LCLAT1: variants seen among roughly 807,000 people sequenced by gnomAD.
LCLAT1 encodes the protein 1-AGP acyltransferase 8.
In LCLAT1, 11 loss-of-function variants were observed where a neutral mutation model predicts 30.7. The ratio of observed to expected loss-of-function variants is 0.36; its 90% confidence interval spans 0.23 to 0.59. The LOEUF is 0.59. Among genes scored for constraint, LCLAT1 ranks in the 20% least tolerant of loss-of-function variants. The pLI is 0.77. For synonymous variants in LCLAT1, 155 were observed against 151.3 expected, an observed-to-expected ratio of 1.02 and a Z score of -0.18; for missense variants, 402 against 458.6, an observed-to-expected ratio of 0.88 and a Z score of 1.13.
At chr2:30,633,066 C>T (rs1018665141) in intron 5 of LCLAT1, among the ~76,000 whole-genome samples, 6 of 152,164 alleles carry the variant, frequency 3.9e-5, no homozygotes, top group Non-Finnish European at 7.4e-5. Context: ...GACTGTTCTT[C>T]AAAATGTACT....
At chr2:30,545,190 A>G (rs548836561) in intron 3 of LCLAT1, among the ~76,000 whole-genome samples, 1 of 152,302 alleles carries the variant, frequency 6.6e-6, no homozygotes, top group South Asian at 2.1e-4. Flanking sequence ...TGCCAGTGAG[A>G]GTTAAAAAGG....
chr2:30,489,542 C>T (rs1301406425), intron 1 of LCLAT1, among the ~76,000 whole-genome samples: 1 of 152,124 alleles, frequency 6.6e-6, no homozygotes, highest in Non-Finnish European at 1.5e-5. Context: ...TTAGTAGAGA[C>T]AGCGTTTCAC....
chr2:30,542,209 T>G (rs994915647), intron 3 of LCLAT1, among the ~76,000 whole-genome samples: 1 of 152,160 alleles, frequency 6.6e-6, no homozygotes, highest in Non-Finnish European at 1.5e-5. Flanking sequence ...AAGAGCAAAC[T>G]TTATCTTCAT....
intron 5 of LCLAT1, among the ~76,000 whole-genome samples, chr2:30,623,712 C>T (rs1572710801): frequency 6.6e-6 from 1 of 152,170 alleles, no homozygotes; most frequent in African/African-American, 2.4e-5. Context: ...AGGAAAACTT[C>T]CCTGGCCTTG....
intron 1 of LCLAT1, among the ~76,000 whole-genome samples, chr2:30,517,563 G>A (rs1339500280): frequency 1.3e-5 from 2 of 152,200 alleles, no homozygotes; most frequent in African/African-American, 4.8e-5. Context: ...CTGGAACTGG[G>A]TCTACAACAA....
chr2:30,519,486 T>C (rs1173728148), intron 1 of LCLAT1, among the ~76,000 whole-genome samples: 1 of 152,100 alleles, frequency 6.6e-6, no homozygotes, highest in Non-Finnish European at 1.5e-5. Flanking sequence ...TGGGTTTTCC[T>C]GTTGAGAGGG....
At chr2:30,524,011 T>A (rs1685595381) in intron 1 of LCLAT1, among the ~76,000 whole-genome samples, 2 of 152,226 alleles carry the variant, frequency 1.3e-5, no homozygotes, top group Admixed American at 1.3e-4. Context: ...TTGTGATTCT[T>A]TTAAAATATT....
intron 3 of LCLAT1, among the ~76,000 whole-genome samples, chr2:30,541,659 A>T (rs1423869312): frequency 1.3e-5 from 2 of 152,150 alleles, no homozygotes; most frequent in Non-Finnish European, 2.9e-5. Flanking sequence ...ATTACTTTTA[A>T]TGTATTACTT....
intron 5 of LCLAT1, among the ~76,000 whole-genome samples, chr2:30,634,724 T>G (rs1043343902): frequency 5.3e-5 from 8 of 152,248 alleles, no homozygotes; most frequent in Non-Finnish European, 1.2e-4. Context: ...GCCAAAAGAT[T>G]TAAAGGCAGT....
chr2:30,447,818 C>T (rs565776583), intron 1 of LCLAT1, among the ~76,000 whole-genome samples: 7 of 152,338 alleles, frequency 4.6e-5, no homozygotes, highest in Admixed American at 4.6e-4. Context: ...TAAAACGTCT[C>T]AAGTGGTCAC....
intron 1 of LCLAT1, among the ~76,000 whole-genome samples, chr2:30,478,070 TAAAAAAAAAA>T (rs79364091): frequency 1.7e-5 from 2 of 114,972 alleles, no homozygotes; most frequent in East Asian, 4.8e-4. Context: ...AGTGAGGGAT[TAAAAAAAAAA>T]AAAAAAAAAG....
intron 3 of LCLAT1, among the ~76,000 whole-genome samples, chr2:30,549,260 T>A (rs1664568857): frequency 6.6e-6 from 1 of 152,176 alleles, no homozygotes; most frequent in Admixed American, 6.5e-5. Flanking sequence ...TTACCTAAAT[T>A]GGATATCCTG....
chr2:30,610,321 CTG>C (rs1235103173), intron 5 of LCLAT1, among the ~76,000 whole-genome samples: 1 of 152,078 alleles, frequency 6.6e-6, no homozygotes, highest in Non-Finnish European at 1.5e-5. Flanking sequence ...CTCATGGTCT[CTG>C]TCTAATCCTG....
chr2:30,622,570 T>G (rs769651188), intron 5 of LCLAT1, among the ~76,000 whole-genome samples: 1 of 151,900 alleles, frequency 6.6e-6, no homozygotes, highest in Non-Finnish European at 1.5e-5. Context: ...CCCCAATACC[T>G]CCACCAGAGC....
intron 5 of LCLAT1, among the ~76,000 whole-genome samples, chr2:30,588,478 T>C (rs1277516459): frequency 1.3e-5 from 2 of 152,210 alleles, no homozygotes; most frequent in Admixed American, 6.5e-5. Flanking sequence ...ACTGCAGATA[T>C]TGTTAGAGCA....
chr2:30,502,502 A>G (rs1684448602), intron 1 of LCLAT1, among the ~76,000 whole-genome samples: 1 of 152,046 alleles, frequency 6.6e-6, no homozygotes, highest in African/African-American at 2.4e-5. Flanking sequence ...GCTTTGTACT[A>G]ATTAGTAGTC....
chr2:30,598,601 GATTC>G (rs1266557318), intron 5 of LCLAT1, among the ~76,000 whole-genome samples: 4 of 151,668 alleles, frequency 2.6e-5, no homozygotes, highest in Admixed American at 2.0e-4. Flanking sequence ...CCAGCTTGTG[GATTC>G]ATTGATTTGT....
At chr2:30,474,755 C>G (rs999784591) in intron 1 of LCLAT1, among the ~76,000 whole-genome samples, 2 of 142,190 alleles carry the variant, frequency 1.4e-5, no homozygotes, top group South Asian at 4.5e-4. Context: ...CTCAAGTGAT[C>G]CTCCTGGCAC....
At chr2:30,598,292 G>A (rs1667018955) in intron 5 of LCLAT1, among the ~76,000 whole-genome samples, 1 of 151,920 alleles carries the variant, frequency 6.6e-6, no homozygotes, top group Non-Finnish European at 1.5e-5. Context: ...TGGTTGGTAG[G>A]TTATTTATTA....
Sources: allele counts gnomAD v4.1 joint callset (sites outside exome capture counted in the v4.1 genomes callset), GRCh38; gene constraint gnomAD v4.1.1; transcripts MANE v1.5; gene names NCBI Gene and HGNC (gene_info 2026-07-23, HGNC 2026-07-21).